The following NLGN1 variants were observed in gnomAD, a reference collection of about 807,000 sequenced individuals.
The protein encoded by NLGN1 is neuroligin-1.
Under a neutral mutation model 65.5 loss-of-function variants are expected in NLGN1, and 12 were observed. That is an observed-to-expected ratio of 0.18 (90% CI 0.12 to 0.30). The LOEUF (loss-of-function observed/expected upper bound fraction) is 0.30, where lower values mean the gene tolerates loss of function less well. Among genes scored for constraint, NLGN1 ranks in the 10% least tolerant of loss-of-function variants. The probability of loss-of-function intolerance (pLI) is 1.00; values close to 1 mark genes in which losing one functional copy is unlikely to be tolerated. For synonymous variants in NLGN1, 350 were observed against 359.5 expected, an observed-to-expected ratio of 0.97 and a Z score of 0.30; for missense variants, 750 against 1,007.1, an observed-to-expected ratio of 0.74 and a Z score of 3.46.
At chr3:173,435,378 CT>C (rs1232759829) in intron 2 of NLGN1, among the ~76,000 whole-genome samples, 1 of 152,028 alleles carries the variant, frequency 6.6e-6, no homozygotes, top group Non-Finnish European at 1.5e-5. Context: ...ATTTCTTTCC[CT>C]TTTTCAGCTA....
At chr3:174,188,279 T>C (rs1159875915) in intron 4 of NLGN1, among the ~76,000 whole-genome samples, 1 of 152,016 alleles carries the variant, frequency 6.6e-6, no homozygotes, top group Non-Finnish European at 1.5e-5. Flanking sequence ...TGAAATGTGA[T>C]ATGTTTGAAT....
intron 4 of NLGN1, among the ~76,000 whole-genome samples, chr3:174,064,191 A>C (rs543229842): frequency 2.0e-5 from 3 of 152,156 alleles, no homozygotes; most frequent in African/African-American, 7.2e-5. Flanking sequence ...AAAAAGAAAA[A>C]AACAAGGGAA....
At chr3:173,618,140 G>A (rs537219805) in intron 3 of NLGN1, among the ~76,000 whole-genome samples, 5 of 152,158 alleles carry the variant, frequency 3.3e-5, no homozygotes, top group African/African-American at 9.6e-5. Flanking sequence ...TTGGCCTTCC[G>A]TTGGTTATCA....
At chr3:173,949,074 A>T (rs373248133) in intron 4 of NLGN1, among the ~76,000 whole-genome samples, 2 of 152,246 alleles carry the variant, frequency 1.3e-5, no homozygotes, top group East Asian at 1.9e-4. Context: ...TTAACTCATA[A>T]ATAGAAACAG....
chr3:174,006,945 G>C (rs940414804), intron 4 of NLGN1, among the ~76,000 whole-genome samples: 6 of 152,100 alleles, frequency 3.9e-5, no homozygotes, highest in African/African-American at 1.4e-4. Context: ...GCAGGTTCCT[G>C]TAATCCCAGC....
At chr3:174,219,818 T>C (rs1233983081) in intron 4 of NLGN1, among the ~76,000 whole-genome samples, 1 of 152,136 alleles carries the variant, frequency 6.6e-6, no homozygotes, top group East Asian at 1.9e-4. Context: ...GGTCAGGGAA[T>C]GTTTGGTTCA....
chr3:174,210,948 C>G (rs1736344142), intron 4 of NLGN1, among the ~76,000 whole-genome samples: 1 of 152,158 alleles, frequency 6.6e-6, no homozygotes, highest in Non-Finnish European at 1.5e-5. Context: ...GGTTCTTGCT[C>G]TCACTGACTT....
chr3:173,699,792 G>A (rs1766835873), intron 3 of NLGN1, among the ~76,000 whole-genome samples: 1 of 152,170 alleles, frequency 6.6e-6, no homozygotes, highest in African/African-American at 2.4e-5. Context: ...GAGGACTGGT[G>A]AATAGACACA....
intron 4 of NLGN1, among the ~76,000 whole-genome samples, chr3:174,044,054 C>T (rs1732962776): frequency 6.6e-6 from 1 of 152,204 alleles, no homozygotes; most frequent in Non-Finnish European, 1.5e-5. Context: ...TTAGGGCTTG[C>T]ATCCTCTGAA....
chr3:173,629,790 A>T (rs949007055), intron 3 of NLGN1, among the ~76,000 whole-genome samples: 1 of 152,280 alleles, frequency 6.6e-6, no homozygotes, highest in Admixed American at 6.5e-5. Flanking sequence ...ATTGCTTAAA[A>T]AAAAGAGACA....
rs533241518 is a variant in NLGN1, at chr3:173,489,722, G to T, written c.-321+54644G>T. Among the ~76,000 whole-genome samples the T allele has an allele frequency of 1.8e-4, 27 of 151,490 alleles. 1 individual carries two copies. The highest frequency in any genetic ancestry group is 3.4e-3 in the Middle Eastern group (1 of 294). Reference sequence around the variant, plus strand: ...ACCAACAGTGTAAAAGTGTTCCTATGTCTCCACATCCTCTCCAGCACCTGT... The same window carrying T: ...ACCAACAGTGTAAAAGTGTTCCTATTTCTCCACATCCTCTCCAGCACCTGT... On this transcript the variant is annotated intron_variant, in intron 2 of 6. Transcript: ENST00000457714.
chr3:173,730,225 A>G (rs1483194898), intron 3 of NLGN1, among the ~76,000 whole-genome samples: 1 of 151,184 alleles, frequency 6.6e-6, no homozygotes, highest in Non-Finnish European at 1.5e-5. Flanking sequence ...GTAAAACAAA[A>G]TTGTAGTAGG....
At chr3:174,293,391 A>G in the NLGN1 span, among the ~76,000 whole-genome samples, 1 of 151,620 alleles carries the variant, frequency 6.6e-6, no homozygotes, top group Admixed American at 6.6e-5. Context: ...ATAATACACG[A>G]CAATGTTGCA....
intron 4 of NLGN1, among the ~76,000 whole-genome samples, chr3:174,047,930 G>T (rs1300026778): frequency 6.6e-6 from 1 of 152,010 alleles, no homozygotes; most frequent in East Asian, 1.9e-4. Flanking sequence ...GTTCAAAATG[G>T]ATGTTCTGCG....
intron 4 of NLGN1, among the ~76,000 whole-genome samples, chr3:173,990,182 TC>T (rs1434179362): frequency 3.9e-5 from 6 of 152,138 alleles, no homozygotes; most frequent in Non-Finnish European, 8.8e-5. Context: ...AATCTATTGA[TC>T]AGGCATCTCT....
At chr3:173,834,884 GA>G in intron 4 of NLGN1, among the ~76,000 whole-genome samples, 1 of 152,284 alleles carries the variant, frequency 6.6e-6, no homozygotes, top group Middle Eastern at 3.4e-3. Flanking sequence ...GGATATAACA[GA>G]GGAGAAATCC....
rs755792885 is a variant in NLGN1 at position 174,241,965 on chromosome 3, A to G, written c.647-33350A>G. Among the ~76,000 whole-genome samples the G allele has an allele frequency of 6.6e-5, 10 of 152,134 alleles. No homozygotes were observed. In the Middle Eastern group the frequency reaches 0.01, roughly 155 times the overall value. ...GAGCCACCGGGCCCGGCCCCAACGT[A>G]TCTTTATCAATGTGGATGTGTGCCA... On this transcript the variant is annotated intron_variant, in intron 4 of 6. Coordinates refer to ENST00000457714, the Ensembl canonical transcript of NLGN1.
chr3:174,244,927 A>G (rs1006130681), intron 4 of NLGN1, among the ~76,000 whole-genome samples: 2 of 152,210 alleles, frequency 1.3e-5, no homozygotes, highest in Non-Finnish European at 1.5e-5. Context: ...TGTCGCAGGA[A>G]TGATTCTAGC....
intron 1 of NLGN1, among the ~76,000 whole-genome samples, chr3:173,425,116 G>A (rs138180922): frequency 2.4e-3 from 366 of 152,230 alleles, no homozygotes; most frequent in African/African-American, 8.4e-3. Flanking sequence ...AGAGAAGAGC[G>A]AGGAAGTGCC....
Sources: gnomAD v4.1 joint callset for allele counts (sites outside exome capture counted in the v4.1 genomes callset) on GRCh38, gnomAD v4.1.1 for gene constraint, MANE v1.5 for transcripts, NCBI Gene and HGNC (gene_info 2026-07-23, HGNC 2026-07-21) for gene names.